KCNJ3: variants seen among roughly 807,000 people sequenced by gnomAD.
KCNJ3 encodes the protein G protein-activated inward rectifier potassium channel 1.
In KCNJ3, 4 loss-of-function variants were observed where a neutral mutation model predicts 39.2. The ratio of observed to expected loss-of-function variants is 0.10; its 90% confidence interval spans 0.05 to 0.23. KCNJ3 has a LOEUF of 0.23. Ranked by LOEUF, KCNJ3 falls within the 10% of genes least tolerant of loss-of-function variation. The pLI, the probability that KCNJ3 is intolerant of heterozygous loss-of-function variation, is 1.00. For synonymous variants in KCNJ3, 230 were observed against 237.4 expected, an observed-to-expected ratio of 0.97 and a Z score of 0.29; for missense variants, 276 against 634.9, an observed-to-expected ratio of 0.43 and a Z score of 6.08.
Position 154,709,751 on chromosome 2 carries a change from C to G in KCNJ3, c.851C>G (p.Ser284Cys). ...GCCAAAAGCCCCTTTTATGACCTAT[C>G]CCAGCGAAGCATGCAAACTGAACAG... ...IDAKSPFYDL[S>C]QRSMQTEQFE... The change falls in exon 2 of 3, where the codon TCC becomes TGC. Residue 284 changes from serine (S) to cysteine (C), a missense_variant. Physicochemically the swap from Ser to Cys is moderately radical, Grantham distance 112. Around this residue, in one of 4 missense-constraint regions of KCNJ3, gnomAD observed 77 missense variants for 200.0 expected, o/e 0.38. Coordinates refer to ENST00000295101, the MANE Select transcript of KCNJ3 (RefSeq NM_002239.4). 1 of 1,613,902 alleles carries G rather than the reference C, an allele frequency of 6.2e-7. No homozygotes were observed. Among genetic ancestry groups the G allele is most frequent in the Non-Finnish European group, 8.5e-7 (1 of 1,179,906 alleles).
At chr2:154,769,475 A>G (rs184783976) in intron 2 of KCNJ3, among the ~76,000 whole-genome samples, 5 of 152,094 alleles carry the variant, frequency 3.3e-5, no homozygotes, top group Non-Finnish European at 7.4e-5. Flanking sequence ...TTCTGTTTAT[A>G]TGATGGATTA....
At position 154,699,555 on chromosome 2, in the gene KCNJ3, C is replaced by A; in HGVS notation, c.702+78C>A. The A allele has an allele frequency of 6.7e-7, 1 of 1,481,934 alleles. No homozygotes were observed. The allele number at this position is 1,481,934 out of a possible 1,614,324, so 91.8% of individuals were successfully genotyped here. A position where few individuals can be genotyped will look rare whatever the true frequency, so the allele number is the denominator to read the frequency against. ...CGGAGTAACTCGTCTGAGAACCAGC[C>A]CGGGCCCCCTCCCCTGGTTCTACCT... is the stretch of plus-strand genomic sequence containing the variant. On this transcript the variant is annotated intron_variant, in intron 1 of 2. Coordinates refer to ENST00000295101, the MANE Select transcript of KCNJ3 (RefSeq NM_002239.4). The surrounding 1 kb of genome is among the most constrained non-coding windows in gnomAD (Gnocchi z 6.4).
chr2:154,852,304 A>G (rs1687769393), intron 2 of KCNJ3, among the ~76,000 whole-genome samples: 1 of 152,220 alleles, frequency 6.6e-6, no homozygotes, highest in Non-Finnish European at 1.5e-5. Context: ...CTGAGGTGGG[A>G]GGATCACCTG....
At chr2:154,847,538 G>T (rs1687681508) in intron 2 of KCNJ3, among the ~76,000 whole-genome samples, 1 of 151,896 alleles carries the variant, frequency 6.6e-6, no homozygotes. Context: ...GTAAATAATA[G>T]AATAGATTTA....
intron 2 of KCNJ3, among the ~76,000 whole-genome samples, chr2:154,779,039 G>A (rs1686388178): frequency 6.6e-6 from 1 of 151,964 alleles, no homozygotes; most frequent in African/African-American, 2.4e-5. Flanking sequence ...CTTGGCAAAT[G>A]GTCAGTACCT....
At chr2:154,707,819 TG>T (rs1685038731) in intron 1 of KCNJ3, among the ~76,000 whole-genome samples, 2 of 152,166 alleles carry the variant, frequency 1.3e-5, no homozygotes, top group South Asian at 2.1e-4. Context: ...ACAAGGTTTT[TG>T]TTTTTGTTGC....
rs562286837 is a variant in KCNJ3 at position 154,730,916 on chromosome 2, A to G, written c.919+21097A>G. On this transcript the variant is annotated intron_variant, in intron 2 of 2. Transcript: ENST00000295101. ...GTATGGTGAAATAAACCTACCAAAAATTGAAATCACATTTAAAAAGTAATT... is the reference window on the plus strand; with the variant it reads ...GTATGGTGAAATAAACCTACCAAAAGTTGAAATCACATTTAAAAAGTAATT... Among the ~76,000 whole-genome samples the G allele has an allele frequency of 3.3e-5, 5 of 152,276 alleles. No individual in the cohort carries two copies. In the South Asian group the frequency reaches 1.0e-3, roughly 32 times the overall value.
At chr2:154,790,420 G>A (rs1418389384) in intron 2 of KCNJ3, among the ~76,000 whole-genome samples, 3 of 151,946 alleles carry the variant, frequency 2.0e-5, no homozygotes, top group Admixed American at 1.3e-4. Flanking sequence ...TCTTCCCCTT[G>A]CTTTTGTTAT....
chr2:154,786,833 T>C (rs1018145110), intron 2 of KCNJ3, among the ~76,000 whole-genome samples: 1 of 152,220 alleles, frequency 6.6e-6, no homozygotes, highest in Non-Finnish European at 1.5e-5. Context: ...TGTATTGTTT[T>C]TCGTTGAAGA....
chr2:154,810,849 A>G (rs973092592), intron 2 of KCNJ3, among the ~76,000 whole-genome samples: 2 of 152,180 alleles, frequency 1.3e-5, no homozygotes, highest in African/African-American at 4.8e-5. Flanking sequence ...CTAAATACAT[A>G]TAACTTTCTT....
intron 2 of KCNJ3, among the ~76,000 whole-genome samples, chr2:154,790,805 G>A (rs1686616078): frequency 6.6e-6 from 1 of 152,028 alleles, no homozygotes; most frequent in Non-Finnish European, 1.5e-5. Flanking sequence ...GGAATATACA[G>A]CAGGAATTGC....
At chr2:154,720,774 T>C (rs1685252928) in intron 2 of KCNJ3, among the ~76,000 whole-genome samples, 2 of 152,138 alleles carry the variant, frequency 1.3e-5, no homozygotes, top group Admixed American at 6.5e-5. Context: ...ACTGAACGTA[T>C]GTGTATGTGT....
chr2:154,774,965 A>C (rs1023353296), intron 2 of KCNJ3, among the ~76,000 whole-genome samples: 5 of 152,152 alleles, frequency 3.3e-5, no homozygotes, highest in Admixed American at 2.0e-4. Flanking sequence ...CCCAGGCTAG[A>C]GTGCAGTGGC....
intron 2 of KCNJ3, among the ~76,000 whole-genome samples, chr2:154,801,455 T>G (rs1686814829): frequency 6.6e-6 from 1 of 152,096 alleles, no homozygotes; most frequent in Non-Finnish European, 1.5e-5. Context: ...TCCAAGGGCC[T>G]GGAAGGCCCC....
intron 2 of KCNJ3, among the ~76,000 whole-genome samples, chr2:154,768,320 G>T (rs557160118): frequency 6.6e-4 from 101 of 152,262 alleles, no homozygotes; most frequent in Non-Finnish European, 9.0e-4. Context: ...ATGGTTTTAG[G>T]TCTAACATGT....
chr2:154,829,843 G>T (rs1215025684), intron 2 of KCNJ3, among the ~76,000 whole-genome samples: 1 of 152,062 alleles, frequency 6.6e-6, no homozygotes, highest in Non-Finnish European at 1.5e-5. Flanking sequence ...GTGTGAGATG[G>T]TATCTTATTG....
At chr2:154,725,227 A>T (rs2105162709) in intron 2 of KCNJ3, among the ~76,000 whole-genome samples, 1 of 143,144 alleles carries the variant, frequency 7.0e-6, no homozygotes, top group Non-Finnish European at 1.5e-5. Context: ...ATAGATGGTT[A>T]TGTTCTGTTT....
intron 2 of KCNJ3, among the ~76,000 whole-genome samples, chr2:154,829,970 G>A (rs1687336470): frequency 6.6e-6 from 1 of 152,048 alleles, no homozygotes; most frequent in African/African-American, 2.4e-5. Flanking sequence ...AATGATAGTA[G>A]AGAAGGAGAC....
intron 2 of KCNJ3, among the ~76,000 whole-genome samples, chr2:154,730,203 A>C (rs1271617973): frequency 6.6e-6 from 1 of 152,076 alleles, no homozygotes; most frequent in Non-Finnish European, 1.5e-5. Context: ...CTGGGAAATT[A>C]TCTCTCCATT....
Sources: gnomAD v4.1 joint callset for allele counts (sites outside exome capture counted in the v4.1 genomes callset) on GRCh38, gnomAD v4.1.1 for gene constraint, gnomAD v4.1.1 regional missense constraint, Gnocchi (gnomAD v3.1) non-coding constraint, MANE v1.5 for transcripts, NCBI Gene and HGNC (gene_info 2026-07-23, HGNC 2026-07-21) for gene names.